Variants in ABCC6 observed in about 807,000 individuals in gnomAD.
The protein encoded by ABCC6 is ATP-binding cassette sub-family C member 6.
ABCC6 carries 126 observed loss-of-function variants against 169.5 expected under a neutral mutation model. The observed-to-expected ratio is 0.74, with a 90% CI of 0.64 to 0.86. The LOEUF (loss-of-function observed/expected upper bound fraction) is 0.86, where lower values mean the gene tolerates loss of function less well. Ranked by LOEUF, ABCC6 falls within the 40% of genes least tolerant of loss-of-function variation. ABCC6 has a pLI of 0.00. For missense variants in ABCC6, 1,733 were observed against 1,927.2 expected, an observed-to-expected ratio of 0.90 and a Z score of 1.89; for synonymous variants, 752 against 814.7, an observed-to-expected ratio of 0.92 and a Z score of 1.31.
chr16:16,171,519 A>C (rs763542572), intron 21 of ABCC6, among the ~76,000 whole-genome samples: 4 of 152,154 alleles, frequency 2.6e-5, no homozygotes, highest in Non-Finnish European at 4.4e-5. Context: ...TATTGTGTAC[A>C]TGTTTGCTGG....
intron 23 of ABCC6, among the ~76,000 whole-genome samples, chr16:16,164,558 T>G (rs957798496): frequency 6.6e-6 from 1 of 152,152 alleles, no homozygotes; most frequent in Non-Finnish European, 1.5e-5. Context: ...AATATATGAC[T>G]ACTGAGCTGA....
At chr16:16,192,970 T>G (rs1234675177) in intron 10 of ABCC6, 48 bp from the exon 11 acceptor site, 1 of 1,532,632 alleles carries the variant, frequency 6.5e-7, no homozygotes. Flanking sequence ...GGAGCCCAGC[T>G]CTCAGAGGCA....
intron 17 of ABCC6, chr16:16,181,609 G>A (rs73524031): frequency 0.025 from 3,787 of 153,154 alleles, 81 homozygotes; most frequent in African/African-American, 0.054. Flanking sequence ...AAGCTGAGAG[G>A]TGATGATGGG....
chr16:16,193,060 T>C (rs1198100037), intron 10 of ABCC6, 138 bp from the exon 11 acceptor site: 1 of 705,408 alleles, frequency 1.4e-6, no homozygotes, highest in East Asian at 2.7e-5. Context: ...TCCCAGACGG[T>C]TAGGGTATTG....
chr16:16,214,244 A>T, intron 5 of ABCC6, 80 bp downstream of exon 5: 1 of 1,546,534 alleles, frequency 6.5e-7, no homozygotes, highest in Non-Finnish European at 8.7e-7. Context: ...ATGAATAAAA[A>T]AATTAAAGAC....
chr16:16,153,387 A>G (rs2046445313), intron 29 of ABCC6, among the ~76,000 whole-genome samples: 1 of 152,210 alleles, frequency 6.6e-6, no homozygotes, highest in Non-Finnish European at 1.5e-5. Context: ...GACACATGCT[A>G]CGATGTGGAT....
rs749334729 is a variant in ABCC6 at position 16,187,166 on chromosome 16, C to A, written c.1825G>T (p.Glu609Ter). ...GAGTCTACGACACCAGGGTCAACTTCTTCCAGGCAGAGGAAGGTGACCAGA... is the reference window on the plus strand; with the variant it reads ...GAGTCTACGACACCAGGGTCAACTTATTCCAGGCAGAGGAAGGTGACCAGA... ...DRLVTFLCLE[E>*]VDPGVVDSSS... The change falls in exon 14 of 31, where the codon GAA becomes TAA. Residue 609 changes from glutamate (E) to a stop codon, truncating the protein, a stop_gained. Coordinates refer to ENST00000205557, the MANE Select transcript of ABCC6 (RefSeq NM_001171.6). LOFTEE classifies it high-confidence loss of function. 1 of 1,613,296 alleles carries A rather than the reference C, an allele frequency of 6.2e-7. No individual in the cohort carries two copies. Among genetic ancestry groups the A allele is most frequent in the Non-Finnish European group, 8.5e-7 (1 of 1,179,588 alleles).
chr16:16,150,680 G>A lies in ABCC6; in HGVS notation c.4301C>T (p.Pro1434Leu), dbSNP rs199950526. Residue 1434 changes from proline (P) to leucine (L), a missense_variant, in exon 30 of 31, where the codon CCT (proline) becomes CTT (leucine). Physicochemically the swap from Pro to Leu is moderately conservative, Grantham distance 98 (BLOSUM62 -3). Transcript: ENST00000205557. The stretch of plus-strand genomic sequence containing the variant: ...GGCCTGCATCTGCAGCTCCGTGCCA[G>A]GGTCCACGGCAGCAGTAGCCTCGTC... ...ILDEATAAVD[P>L]GTELQMQAML... is the part of the protein sequence containing the mutation. 6.2e-7 allele frequency: 1 copy of A among 1,613,792 alleles called. No individual in the cohort carries two copies. The highest frequency in any genetic ancestry group is 2.2e-5 in the East Asian group (1 of 44,866).
At chr16:16,168,169 C>A (rs143898620) in intron 22 of ABCC6, among the ~76,000 whole-genome samples, 290 of 13,494 alleles carry the variant, frequency 0.021, 1 homozygote, top group African/African-American at 0.038. Context: ...GAGGACGAAT[C>A]AACATGAAAA....
intron 20 of ABCC6, among the ~76,000 whole-genome samples, chr16:16,174,711 T>A (rs1339749471): frequency 6.9e-6 from 1 of 144,102 alleles, no homozygotes; most frequent in Non-Finnish European, 1.5e-5. Flanking sequence ...GAGCCGAGAT[T>A]GTGCCATTGC....
chr16:16,154,387 C>T (rs1193891890), intron 29 of ABCC6, among the ~76,000 whole-genome samples: 2 of 152,146 alleles, frequency 1.3e-5, no homozygotes, highest in African/African-American at 4.8e-5. Context: ...AGCCCTGTGT[C>T]AGTTGAGGTT....
At chr16:16,187,086 AT>A in intron 14 of ABCC6, 37 bp downstream of exon 14, 1 of 1,395,372 alleles carries the variant, frequency 7.2e-7, no homozygotes, top group Non-Finnish European at 1.0e-6. Context: ...CACATCCCCC[AT>A]CCCTCCCACA....
Position 16,190,377 on chromosome 16 carries a change from G to C in ABCC6, c.1432-10C>G. On this transcript the variant is annotated splice_polypyrimidine_tract_variant and intron_variant, in intron 11 of 30. Transcript: ENST00000205557. Reference sequence around the variant, plus strand: ...GCCTCATTTGCTCCTCCTGGGATCGGAGGGAAAAAGAGAGATGAAGACAGG... The same window carrying C: ...GCCTCATTTGCTCCTCCTGGGATCGCAGGGAAAAAGAGAGATGAAGACAGG... 1.2e-6 allele frequency: 2 copies of C among 1,613,956 alleles called. No homozygotes were observed. The highest frequency in any genetic ancestry group is 1.7e-6 in the Non-Finnish European group (2 of 1,179,978).
chr16:16,209,816 G>A (rs1003706031), intron 6 of ABCC6, among the ~76,000 whole-genome samples: 9 of 151,844 alleles, frequency 5.9e-5, no homozygotes, highest in East Asian at 1.9e-4. Context: ...GGCTGGTCTC[G>A]ACCTACTGGC....
chr16:16,175,876 G>C, intron 20 of ABCC6, 35 bp downstream of exon 20: 1 of 1,612,752 alleles, frequency 6.2e-7, no homozygotes, highest in Non-Finnish European at 8.5e-7. Flanking sequence ...GCTTCAGCCT[G>C]TGCCCTTCTG....
chr16:16,150,074 T>C lies in ABCC6; in HGVS notation c.*59A>G. 1.9e-6 allele frequency: 3 copies of C among 1,605,064 alleles called. No individual in the cohort carries two copies. The highest frequency in any genetic ancestry group is 2.5e-6 in the Non-Finnish European group (3 of 1,176,578). On this transcript the variant is annotated 3_prime_UTR_variant, in exon 31 of 31. Coordinates refer to ENST00000205557, the MANE Select transcript of ABCC6 (RefSeq NM_001171.6). ...TATCGATGACCACGGGTCACTTCCA[T>C]CTCCAGCACTGCAGGCTGTGCGGGC...
chr16:16,190,347 C>T lies in ABCC6; in HGVS notation c.1452G>A (p.Lys484=), dbSNP rs900152971. 6 of 1,614,166 alleles carry T rather than the reference C, an allele frequency of 3.7e-6. No individual in the cohort carries two copies. In the Admixed American group the frequency reaches 1.0e-4, roughly 27 times the overall value. Residue 484 remains lysine (K), a synonymous_variant, in exon 12 of 31, where the codon AAG becomes AAA. Transcript: ENST00000205557. ...NHHQEEQMRQ[K]DSRARLTSSI... ...AGCTGGTGAGCCGTGCCCGTGAGTC[C>T]TTCTGCCTCATTTGCTCCTCCTGGG...
At chr16:16,207,287 G>A (rs554015619) in intron 7 of ABCC6, among the ~76,000 whole-genome samples, 4 of 152,360 alleles carry the variant, frequency 2.6e-5, no homozygotes, top group Non-Finnish European at 4.4e-5. Context: ...CATGGGATTG[G>A]CCCCTGACAG....
intron 26 of ABCC6, among the ~76,000 whole-genome samples, chr16:16,159,097 GCTGTTACATTA>G (rs1161667152): frequency 6.6e-5 from 10 of 152,090 alleles, no homozygotes; most frequent in Non-Finnish European, 2.9e-5. Context: ...TGGTTATGTT[GCTGTTACATTA>G]CTGTTACATT....
Sources: allele counts gnomAD v4.1 joint callset (sites outside exome capture counted in the v4.1 genomes callset), GRCh38; gene constraint gnomAD v4.1.1; transcripts MANE v1.5; gene names NCBI Gene and HGNC (gene_info 2026-07-23, HGNC 2026-07-21).